Variants in DPYD observed in about 807,000 individuals in gnomAD.
DPYD encodes the protein dihydropyrimidine dehydrogenase [NADP(+)].
In DPYD, 109 loss-of-function variants were observed where a neutral mutation model predicts 116.2. The observed-to-expected ratio is 0.94, with a 90% CI of 0.80 to 1.10. The LOEUF (loss-of-function observed/expected upper bound fraction) is 1.10, where lower values mean the gene tolerates loss of function less well. Among genes scored for constraint, DPYD ranks in the 50% least tolerant of loss-of-function variants. The pLI is 0.00. For synonymous variants in DPYD, 440 were observed against 432.0 expected, an observed-to-expected ratio of 1.02 and a Z score of -0.23; for missense variants, 1,302 against 1,254.5, an observed-to-expected ratio of 1.04 and a Z score of -0.57.
At chr1:97,086,352 GTTT>G (rs35514561) in intron 21 of DPYD, among the ~76,000 whole-genome samples, 5 of 143,844 alleles carry the variant, frequency 3.5e-5, no homozygotes, top group Non-Finnish European at 7.6e-5. Flanking sequence ...GCCTGGCCAA[GTTT>G]TTTTTTTTTT....
chr1:97,279,332 A>G (rs1665156672), intron 18 of DPYD, among the ~76,000 whole-genome samples: 1 of 152,122 alleles, frequency 6.6e-6, no homozygotes, highest in Admixed American at 6.5e-5. Flanking sequence ...AACTCCCAAA[A>G]AGGCAGCTAA....
chr1:97,756,210 G>A (rs986335864), intron 3 of DPYD, among the ~76,000 whole-genome samples: 5 of 152,088 alleles, frequency 3.3e-5, no homozygotes, highest in Non-Finnish European at 5.9e-5. Context: ...TAAATATTAC[G>A]TGCATCTATT....
intron 16 of DPYD, among the ~76,000 whole-genome samples, chr1:97,354,395 G>T (rs538690039): frequency 2.0e-5 from 3 of 152,122 alleles, no homozygotes; most frequent in Non-Finnish European, 2.9e-5. Context: ...AACTCCTATA[G>T]TAAAACGCAA....
intron 19 of DPYD, among the ~76,000 whole-genome samples, chr1:97,223,858 G>A (rs188486894): frequency 6.6e-6 from 1 of 152,094 alleles, no homozygotes; most frequent in African/African-American, 2.4e-5. Context: ...TGTTTTGAAG[G>A]TGAATTACTA....
intron 18 of DPYD, among the ~76,000 whole-genome samples, chr1:97,262,950 C>T (rs1022000768): frequency 6.6e-6 from 1 of 151,996 alleles, no homozygotes; most frequent in Non-Finnish European, 1.5e-5. Context: ...AAAGTATCAC[C>T]TACAAAGCCA....
At chr1:97,593,699 GCTAT>G (rs1164827304) in intron 9 of DPYD, among the ~76,000 whole-genome samples, 11 of 152,212 alleles carry the variant, frequency 7.2e-5, no homozygotes, top group South Asian at 4.1e-4. Flanking sequence ...TCAAAATTGT[GCTAT>G]CTATCTTTAA....
intron 2 of DPYD, among the ~76,000 whole-genome samples, chr1:97,858,422 T>C (rs1670956656): frequency 6.6e-6 from 1 of 152,130 alleles, no homozygotes; most frequent in Admixed American, 6.5e-5. Flanking sequence ...CTTGATAGGA[T>C]TACAATTCTA....
intron 4 of DPYD, among the ~76,000 whole-genome samples, chr1:97,735,715 TAAA>T: frequency 6.8e-6 from 1 of 146,062 alleles, no homozygotes; most frequent in Non-Finnish European, 1.5e-5. Flanking sequence ...AATAAATAAA[TAAA>T]TAAATAAATA....
At chr1:97,280,971 G>A (rs999980651) in intron 18 of DPYD, among the ~76,000 whole-genome samples, 13 of 151,998 alleles carry the variant, frequency 8.6e-5, no homozygotes, top group African/African-American at 2.4e-4. Flanking sequence ...CAATGTATTC[G>A]TGCACTGGAA....
intron 13 of DPYD, among the ~76,000 whole-genome samples, chr1:97,479,480 T>C (rs1678178273): frequency 1.3e-5 from 2 of 152,202 alleles, no homozygotes; most frequent in African/African-American, 2.4e-5. Flanking sequence ...TATATGGGCA[T>C]GGTTTGTGGT....
chr1:97,648,671 T>G (rs1658405844), intron 8 of DPYD, among the ~76,000 whole-genome samples: 1 of 152,064 alleles, frequency 6.6e-6, no homozygotes, highest in African/African-American at 2.4e-5. Flanking sequence ...AGCTAACACA[T>G]GTTAAGCATT....
chr1:97,281,795 A>T (rs2100936781), intron 18 of DPYD, among the ~76,000 whole-genome samples: 1 of 152,128 alleles, frequency 6.6e-6, no homozygotes, highest in African/African-American at 2.4e-5. Context: ...AATAATTTTA[A>T]TTTTTTCCCC....
At chr1:97,088,486 T>C (rs543316564) in intron 21 of DPYD, among the ~76,000 whole-genome samples, 1 of 152,316 alleles carries the variant, frequency 6.6e-6, no homozygotes, top group African/African-American at 2.4e-5. Context: ...GAGTGGGATT[T>C]CCATCTGAAG....
At chr1:97,750,860 T>G (rs966073266) in intron 3 of DPYD, among the ~76,000 whole-genome samples, 1 of 152,090 alleles carries the variant, frequency 6.6e-6, no homozygotes, top group Non-Finnish European at 1.5e-5. Context: ...TATGTGCAAA[T>G]TTTGGTATAT....
At chr1:97,911,253 T>G (rs1293793255) in intron 1 of DPYD, among the ~76,000 whole-genome samples, 1 of 152,090 alleles carries the variant, frequency 6.6e-6, no homozygotes, top group Non-Finnish European at 1.5e-5. Context: ...ATTGTGATCT[T>G]AAGCATAAAG....
chr1:97,722,970 A>C lies in DPYD; in HGVS notation c.322-1299T>G, dbSNP rs529916496. On this transcript the variant is annotated intron_variant, in intron 4 of 22. Transcript: ENST00000370192. ...AAACTCCTAGGTAATCAAGAAATTT[A>C]AGTCAGAATAAAAGACTTTTAAAAA... Among the ~76,000 whole-genome samples the C allele has an allele frequency of 2.6e-5, 4 of 151,716 alleles. No individual in the cohort carries two copies. The Admixed American group carries it at 2.6e-4, about 10-fold the overall frequency.
At chr1:97,774,999 G>A (rs1284100694) in intron 3 of DPYD, 5 of 307,130 alleles carry the variant, frequency 1.6e-5, no homozygotes, top group African/African-American at 2.2e-5. Flanking sequence ...AAAGAAAGAA[G>A]CTCTATGAAT....
chr1:97,483,441 A>C (rs986423048), intron 13 of DPYD, among the ~76,000 whole-genome samples: 1 of 152,106 alleles, frequency 6.6e-6, no homozygotes, highest in African/African-American at 2.4e-5. Context: ...TTATAAGTGG[A>C]AGCTGAACAA....
intron 14 of DPYD, among the ~76,000 whole-genome samples, chr1:97,416,670 C>A (rs1482430285): frequency 6.6e-6 from 1 of 152,164 alleles, no homozygotes; most frequent in African/African-American, 2.4e-5. Context: ...GAAAAGAATT[C>A]TGTCTGGAAA....
Sources: gnomAD v4.1 joint callset for allele counts (sites outside exome capture counted in the v4.1 genomes callset) on GRCh38, gnomAD v4.1.1 for gene constraint, MANE v1.5 for transcripts, NCBI Gene and HGNC (gene_info 2026-07-23, HGNC 2026-07-21) for gene names.